Variants in PPM1L observed in about 807,000 individuals in gnomAD.
PPM1L encodes the protein protein phosphatase 1L.
Under a neutral mutation model 31.4 loss-of-function variants are expected in PPM1L, and 13 were observed. That is an observed-to-expected ratio of 0.41 (90% CI 0.27 to 0.66). The LOEUF is 0.66. Among genes scored for constraint, PPM1L ranks in the 30% least tolerant of loss-of-function variants. The pLI is 0.29. For synonymous variants in PPM1L, 184 were observed against 175.4 expected (o/e 1.05, Z -0.39); for missense variants, 326 against 453.7 (o/e 0.72, Z 2.56).
chr3:160,945,145 CTA>C (rs1715366737), intron 1 of PPM1L, among the ~76,000 whole-genome samples: 1 of 86,592 alleles, frequency 1.2e-5, no homozygotes, highest in African/African-American at 4.5e-5. Context: ...ATCTATCTAT[CTA>C]TCTATCTCCA....
chr3:160,981,732 TTTTA>T (rs571936460), intron 2 of PPM1L, among the ~76,000 whole-genome samples: 1,457 of 139,890 alleles, frequency 0.01, 16 homozygotes, highest in African/African-American at 0.024. Flanking sequence ...TTCCTTCTCA[TTTTA>T]TTTATTTATT....
At chr3:161,065,665 T>A in intron 3 of PPM1L, 101 bp downstream of exon 3, 1 of 1,049,318 alleles carries the variant, frequency 9.5e-7, no homozygotes, top group Non-Finnish European at 1.4e-6. Context: ...TATGCAGTAT[T>A]AGAGAGGCTG....
rs1388839301 is a variant in PPM1L at position 161,057,011 on chromosome 3, C to T, written c.575-8392C>T. ...CTAGGAGGCGGAGGTTGCAGTGAGCCGAGATCGCGCCACTGCACTCCAGCC... is the reference window on the plus strand; with the variant it reads ...CTAGGAGGCGGAGGTTGCAGTGAGCTGAGATCGCGCCACTGCACTCCAGCC... On this transcript the variant is annotated intron_variant, in intron 2 of 3. Transcript: ENST00000498165. Among the ~76,000 whole-genome samples, 5 of 151,876 alleles carry T rather than the reference C, an allele frequency of 3.3e-5. No homozygotes were observed. The East Asian group carries it at 9.7e-4, about 29-fold the overall frequency.
intron 2 of PPM1L, among the ~76,000 whole-genome samples, chr3:160,991,095 A>G (rs1036425099): frequency 2.0e-5 from 3 of 149,998 alleles, no homozygotes; most frequent in Middle Eastern, 3.4e-3. Context: ...AAAAAAAAAG[A>G]AAAAAATCAC....
At chr3:161,045,872 G>A (rs1018794838) in intron 2 of PPM1L, among the ~76,000 whole-genome samples, 3 of 152,096 alleles carry the variant, frequency 2.0e-5, no homozygotes, top group Admixed American at 1.3e-4. Context: ...AGCACTTTGC[G>A]AGGCTGAGGT....
At chr3:160,800,191 C>T (rs1430850199) in intron 1 of PPM1L, among the ~76,000 whole-genome samples, 1 of 151,990 alleles carries the variant, frequency 6.6e-6, no homozygotes, top group Admixed American at 6.6e-5. Flanking sequence ...CATTTTTAGC[C>T]TTTAGTGTTT....
intron 2 of PPM1L, among the ~76,000 whole-genome samples, chr3:160,975,226 A>G (rs1461727389): frequency 6.6e-6 from 1 of 151,894 alleles, no homozygotes; most frequent in African/African-American, 2.4e-5. Context: ...TGTTCCATTG[A>G]TCTATATCTC....
At chr3:160,948,378 C>T (rs575153499) in intron 1 of PPM1L, among the ~76,000 whole-genome samples, 23 of 152,246 alleles carry the variant, frequency 1.5e-4, no homozygotes, top group Middle Eastern at 3.4e-3. Context: ...GCAACACTGC[C>T]GGTGATGCTG....
intron 2 of PPM1L, among the ~76,000 whole-genome samples, chr3:161,017,825 A>G (rs1718128239): frequency 6.6e-6 from 1 of 152,168 alleles, no homozygotes; most frequent in African/African-American, 2.4e-5. Context: ...AGGGAAATAC[A>G]GGGGAAAAAC....
In PPM1L at chr3:161,051,373, TACACAC is replaced by T. The variant is rs5853922; in HGVS notation, c.575-14004_575-13999del. 2.1e-3 allele frequency among the ~76,000 whole-genome samples: 311 copies of T among 147,448 alleles called. 3 individuals are homozygous for T. The highest frequency in any genetic ancestry group is 7.0e-3 in the African/African-American group (282 of 40,130). The stretch of plus-strand genomic sequence containing the variant: ...AAGGAACACAGAACCATTTAGTCAC[TACACAC>T]ACACACACACACACACACACACACA... On this transcript the variant is annotated intron_variant, in intron 2 of 3. Transcript: ENST00000498165.
chr3:160,981,149 A>G (rs1219752340), intron 2 of PPM1L, among the ~76,000 whole-genome samples: 1 of 152,214 alleles, frequency 6.6e-6, no homozygotes, highest in Non-Finnish European at 1.5e-5. Context: ...TATCTTTTCT[A>G]ATACTGTGTA....
chr3:161,015,441 T>C (rs546308944), intron 2 of PPM1L, among the ~76,000 whole-genome samples: 1 of 152,342 alleles, frequency 6.6e-6, no homozygotes, highest in South Asian at 2.1e-4. Context: ...ATGCTGGTGC[T>C]GACTGAGTTG....
intron 1 of PPM1L, among the ~76,000 whole-genome samples, chr3:160,837,253 T>C (rs1713745594): frequency 6.6e-6 from 1 of 152,166 alleles, no homozygotes. Flanking sequence ...TACAGTACTT[T>C]GGGAAACTTT....
intron 2 of PPM1L, among the ~76,000 whole-genome samples, chr3:160,971,561 A>G (rs1010388722): frequency 1.3e-5 from 2 of 152,156 alleles, no homozygotes; most frequent in Non-Finnish European, 2.9e-5. Context: ...TTAGGTTTGG[A>G]ATTGGTAAAG....
chr3:160,951,969 G>A (rs568336752), intron 1 of PPM1L, among the ~76,000 whole-genome samples: 1 of 152,260 alleles, frequency 6.6e-6, no homozygotes, highest in Admixed American at 6.5e-5. Context: ...TCTGGTTTAA[G>A]CCTGGGACTT....
intron 2 of PPM1L, among the ~76,000 whole-genome samples, chr3:161,029,198 G>A (rs1377966429): frequency 6.6e-6 from 1 of 152,154 alleles, no homozygotes. Context: ...TGCTTCTGGT[G>A]GCCAACATTT....
chr3:160,954,236 A>G (rs1433941280), intron 1 of PPM1L, among the ~76,000 whole-genome samples: 1 of 152,184 alleles, frequency 6.6e-6, no homozygotes, highest in Non-Finnish European at 1.5e-5. Flanking sequence ...ATTTTATAGA[A>G]TTTGGAAAAC....
At position 161,059,434 on chromosome 3, in the gene PPM1L, C is replaced by T. The variant is rs141718411; in HGVS notation, c.575-5969C>T. 8.2e-3 allele frequency among the ~76,000 whole-genome samples: 1,244 copies of T among 152,184 alleles called. 19 individuals are homozygous for T. Among genetic ancestry groups the T allele is most frequent in the African/African-American group, 0.029 (1,205 of 41,540 alleles). ...CTACATCTGATAGCTCTTTTTATGG[C>T]AATAGCTGGACAATGGTGTTGTCCA... On this transcript the variant is annotated intron_variant, in intron 2 of 3. Coordinates refer to ENST00000498165, the MANE Select transcript of PPM1L (RefSeq NM_139245.4).
chr3:160,874,501 C>T (rs927797989), intron 1 of PPM1L, among the ~76,000 whole-genome samples: 3 of 152,166 alleles, frequency 2.0e-5, no homozygotes, highest in African/African-American at 7.2e-5. Context: ...TAACCAAGAA[C>T]TCTGACTGAT....
Sources: allele counts gnomAD v4.1 joint callset (sites outside exome capture counted in the v4.1 genomes callset), GRCh38; gene constraint gnomAD v4.1.1; transcripts MANE v1.5; gene names NCBI Gene and HGNC (gene_info 2026-07-23, HGNC 2026-07-21).